CGNL1: variants seen among roughly 807,000 people sequenced by gnomAD.
CGNL1 encodes the protein cingulin-like protein 1.
CGNL1 carries 132 observed loss-of-function variants against 141.2 expected under a neutral mutation model. The observed-to-expected ratio is 0.93, with a 90% CI of 0.81 to 1.08. CGNL1 has a LOEUF of 1.08. Ranked by LOEUF, CGNL1 falls within the 50% of genes least tolerant of loss-of-function variation. CGNL1 has a pLI of 0.00. For missense variants in CGNL1, 1,870 were observed against 1,588.6 expected (o/e 1.18, Z -3.01); for synonymous variants, 690 against 622.1 (o/e 1.11, Z -1.63).
chr15:57,533,801 C>T (rs2032095252), intron 14 of CGNL1, among the ~76,000 whole-genome samples: 1 of 152,168 alleles, frequency 6.6e-6, no homozygotes, highest in African/African-American at 2.4e-5. Context: ...ATGATGTGGT[C>T]AAGGCTAAAA....
chr15:57,510,315 A>G (rs564060907), intron 8 of CGNL1, among the ~76,000 whole-genome samples: 4 of 152,246 alleles, frequency 2.6e-5, no homozygotes, highest in Non-Finnish European at 5.9e-5. Context: ...TAGGAAACTA[A>G]GGCTCTGTGA....
chr15:57,450,766 A>G (rs2063312518), intron 4 of CGNL1, among the ~76,000 whole-genome samples: 1 of 152,030 alleles, frequency 6.6e-6, no homozygotes, highest in Admixed American at 6.6e-5. Flanking sequence ...TGTTTTATAT[A>G]TTTTTGTCTA....
chr15:57,434,227 C>T (rs1246699548), intron 1 of CGNL1, among the ~76,000 whole-genome samples: 1 of 151,742 alleles, frequency 6.6e-6, no homozygotes, highest in Non-Finnish European at 1.5e-5. Context: ...GAAAGAGGAG[C>T]AATTAGAGAA....
chr15:57,510,508 G>C (rs549068100), intron 8 of CGNL1, among the ~76,000 whole-genome samples: 1 of 152,304 alleles, frequency 6.6e-6, no homozygotes, highest in African/African-American at 2.4e-5. Flanking sequence ...TCTGTGTGCC[G>C]GGTGGGCAAG....
At chr15:57,440,027 G>A (rs1419304049) in intron 2 of CGNL1, among the ~76,000 whole-genome samples, 1 of 151,534 alleles carries the variant, frequency 6.6e-6, no homozygotes, top group Non-Finnish European at 1.5e-5. Flanking sequence ...TTTTCATTTA[G>A]GTTAATTGTC....
In CGNL1 at chr15:57,547,514, A is replaced by G. The variant is rs1595822312; in HGVS notation, c.*24A>G. On this transcript the variant is annotated 3_prime_UTR_variant, in exon 19 of 19. Transcript: ENST00000281282. ...GAGTGCTCTCCCGGGCTGTGGAAGT[A>G]CCTGTCATTCCTGCAGGAGCTGCAG... is the stretch of plus-strand genomic sequence containing the variant. 1 of 1,607,142 alleles carries G rather than the reference A, an allele frequency of 6.2e-7. No homozygotes were observed. Among genetic ancestry groups the G allele is most frequent in the Admixed American group, 1.7e-5 (1 of 59,010 alleles).
intron 8 of CGNL1, among the ~76,000 whole-genome samples, chr15:57,512,460 T>A (rs1364530916): frequency 6.6e-6 from 1 of 152,138 alleles, no homozygotes; most frequent in Non-Finnish European, 1.5e-5. Flanking sequence ...AAATTATTTG[T>A]AAGCATAATG....
chr15:57,413,462 G>A (rs536059855), intron 1 of CGNL1, among the ~76,000 whole-genome samples: 217 of 152,200 alleles, frequency 1.4e-3, no homozygotes, highest in Non-Finnish European at 2.7e-3. Flanking sequence ...GAAGATGGGG[G>A]TTTTGCCCAG....
At chr15:57,446,299 C>G (rs2063250521) in intron 4 of CGNL1, among the ~76,000 whole-genome samples, 1 of 152,142 alleles carries the variant, frequency 6.6e-6, no homozygotes, top group Non-Finnish European at 1.5e-5. Context: ...CATGCAAATA[C>G]CATCTAGATC....
intron 8 of CGNL1, among the ~76,000 whole-genome samples, chr15:57,472,647 T>C (rs1194979923): frequency 6.6e-6 from 1 of 152,164 alleles, no homozygotes; most frequent in East Asian, 1.9e-4. Flanking sequence ...CCTGTCCCTG[T>C]CTCTCCTGAC....
At chr15:57,412,752 C>T (rs745722594) in intron 1 of CGNL1, among the ~76,000 whole-genome samples, 29 of 152,248 alleles carry the variant, frequency 1.9e-4, no homozygotes, top group Admixed American at 1.4e-3. Flanking sequence ...CAAGTTTAAT[C>T]TTCTTTTCAC....
At chr15:57,447,186 A>G (rs1237774350) in intron 4 of CGNL1, among the ~76,000 whole-genome samples, 2 of 152,218 alleles carry the variant, frequency 1.3e-5, no homozygotes, top group African/African-American at 4.8e-5. Context: ...AGCATCTCTC[A>G]GCAGCGTTCC....
chr15:57,512,051 C>G (rs1016006160), intron 8 of CGNL1, among the ~76,000 whole-genome samples: 1 of 152,176 alleles, frequency 6.6e-6, no homozygotes, highest in Non-Finnish European at 1.5e-5. Context: ...AGGGAACTTC[C>G]ACTTGAGTTG....
At chr15:57,397,531 T>C (rs111678453) in intron 1 of CGNL1, among the ~76,000 whole-genome samples, 45 of 152,216 alleles carry the variant, frequency 3.0e-4, no homozygotes, top group Non-Finnish European at 8.8e-5. Flanking sequence ...ATTTTTATAA[T>C]GCTTCAAAAG....
intron 14 of CGNL1, among the ~76,000 whole-genome samples, chr15:57,541,756 G>T (rs535428407): frequency 6.6e-6 from 1 of 152,252 alleles, no homozygotes; most frequent in African/African-American, 2.4e-5. Flanking sequence ...GGCTCAGCCT[G>T]TCTCTAGCCC....
intron 10 of CGNL1, among the ~76,000 whole-genome samples, chr15:57,521,914 G>A (rs536215393): frequency 2.0e-5 from 3 of 152,152 alleles, no homozygotes; most frequent in Admixed American, 1.3e-4. Flanking sequence ...GGGGCCCTCT[G>A]TATTTGTTGT....
intron 1 of CGNL1, among the ~76,000 whole-genome samples, chr15:57,436,973 A>G (rs1482943923): frequency 6.6e-6 from 1 of 152,196 alleles, no homozygotes; most frequent in African/African-American, 2.4e-5. Flanking sequence ...GAAAACTCAA[A>G]AAGTCTCTCA....
At chr15:57,477,588 C>T (rs910794923) in intron 8 of CGNL1, 2 of 152,226 alleles carry the variant, frequency 1.3e-5, no homozygotes, top group African/African-American at 4.8e-5. Flanking sequence ...CCCTCATGCT[C>T]TCTGATTTAC....
intron 1 of CGNL1, among the ~76,000 whole-genome samples, chr15:57,400,686 C>G (rs2062650456): frequency 6.6e-6 from 1 of 151,824 alleles, no homozygotes; most frequent in Non-Finnish European, 1.5e-5. Flanking sequence ...AGTTGGAGAC[C>G]AGCCTGGCTA....
Sources: allele counts gnomAD v4.1 joint callset (sites outside exome capture counted in the v4.1 genomes callset), GRCh38; gene constraint gnomAD v4.1.1; transcripts MANE v1.5; gene names NCBI Gene and HGNC (gene_info 2026-07-23, HGNC 2026-07-21).